The following BEAN1 variants were observed in gnomAD, a reference collection of about 807,000 sequenced individuals.
BEAN1 encodes protein BEAN1.
BEAN1 carries 17 observed loss-of-function variants against 17.7 expected under a neutral mutation model. That is an observed-to-expected ratio of 0.96 (90% CI 0.66 to 1.44). The LOEUF is 1.44. BEAN1 is among the 40% of genes most tolerant of loss of function. BEAN1 has a pLI of 0.00. For missense variants in BEAN1, 359 were observed against 374.1 expected, an observed-to-expected ratio of 0.96 and a Z score of 0.33; for synonymous variants, 142 against 151.8, an observed-to-expected ratio of 0.94 and a Z score of 0.47.
At chr16:66,468,485 G>T (rs796110188) in intron 2 of BEAN1, among the ~76,000 whole-genome samples, 7 of 152,322 alleles carry the variant, frequency 4.6e-5, no homozygotes, top group African/African-American at 1.7e-4. Flanking sequence ...GATCCGGCTG[G>T]CAGCCTCAGG....
chr16:66,428,753 C>T (rs1284221511), intron 1 of BEAN1, among the ~76,000 whole-genome samples: 2 of 152,134 alleles, frequency 1.3e-5, no homozygotes, highest in Non-Finnish European at 2.9e-5. Context: ...TGTCCAGCAC[C>T]AGTAGATGCT....
At chr16:66,474,206 T>C (rs1439341818) in intron 3 of BEAN1, among the ~76,000 whole-genome samples, 2 of 152,142 alleles carry the variant, frequency 1.3e-5, no homozygotes, top group African/African-American at 4.8e-5. Context: ...AAACAGTTAT[T>C]GTGAGGACTA....
rs1963801056 is a variant in BEAN1 at position 66,477,551 on chromosome 16, T to C, written c.290-9T>C. The C allele has an allele frequency of 1.3e-6, 2 of 1,536,678 alleles. No individual in the cohort carries two copies. Among genetic ancestry groups the C allele is most frequent in the Admixed American group, 2.0e-5 (1 of 50,102 alleles). ...TCTGAGGCCCAGGCCGGTGGTCTGT[T>C]CCCTGCAGTGTCGGACGAGCACACA... On this transcript the variant is annotated splice_polypyrimidine_tract_variant and intron_variant, in intron 3 of 4. Transcript: ENST00000536005.
At chr16:66,478,062 G>T (rs1317082516) in intron 4 of BEAN1, 1 of 193,778 alleles carries the variant, frequency 5.2e-6, no homozygotes, top group Non-Finnish European at 1.0e-5. Flanking sequence ...CTCAGGGTGG[G>T]AGGGAAGGCC....
chr16:66,491,170 A>G (rs1000774780), intron 4 of BEAN1, among the ~76,000 whole-genome samples: 1 of 152,192 alleles, frequency 6.6e-6, no homozygotes, highest in African/African-American at 2.4e-5. Flanking sequence ...AGCAGCCCTC[A>G]CCCACAGGGC....
At chr16:66,469,113 C>T (rs553973520) in intron 2 of BEAN1, among the ~76,000 whole-genome samples, 2 of 152,332 alleles carry the variant, frequency 1.3e-5, no homozygotes, top group South Asian at 4.1e-4. Flanking sequence ...GCATCTGGGT[C>T]AATTTCAGCC....
rs571506709 is a variant in BEAN1, at chr16:66,492,441, C to T, written c.148-521C>T. ...CCCCAGCTCAGTCACTCTCTTTTTG[C>T]GTTTTTTTGTTTTTTTGAGATGGAG... On this transcript the variant is annotated intron_variant, in intron 4 of 4. Coordinates refer to the BEAN1 transcript ENST00000561796. Among the ~76,000 whole-genome samples, 13 of 151,862 alleles carry T rather than the reference C, an allele frequency of 8.6e-5. No homozygotes were observed. The South Asian group carries it at 1.9e-3, about 22-fold the overall frequency.
intron 3 of BEAN1, chr16:66,470,143 C>T (rs1405595891): frequency 5.5e-6 from 3 of 549,414 alleles, no homozygotes; most frequent in South Asian, 2.4e-5. Context: ...GTCCAGGCTG[C>T]ACCAAGGGCT....
At chr16:66,468,412 G>T (rs1217027950) in intron 2 of BEAN1, among the ~76,000 whole-genome samples, 1 of 152,190 alleles carries the variant, frequency 6.6e-6, no homozygotes, top group East Asian at 1.9e-4. Context: ...GACCTTCCTG[G>T]TGCTTGCCCG....
exon 5 of BEAN1, chr16:66,493,135 G>T (rs1437834136): frequency 1.4e-6 from 1 of 702,966 alleles, no homozygotes; most frequent in Non-Finnish European, 2.6e-6. Flanking sequence ...TCCTGGTGAG[G>T]GTCTCATGTG....
chr16:66,481,154 C>T lies in BEAN1; in HGVS notation c.*229C>T, dbSNP rs1313387762. On this transcript the variant is annotated 3_prime_UTR_variant, in exon 5 of 5. Coordinates refer to ENST00000536005, the MANE Select transcript of BEAN1 (RefSeq NM_001178020.3). The surrounding 1 kb of genome is among the most constrained non-coding windows in gnomAD (Gnocchi z 4.1). Reference sequence around the variant, plus strand: ...CGCACATACAGGCCTACCACAAACACAAAACCCACCTGCAAAGGTTTCACG... The same window carrying T: ...CGCACATACAGGCCTACCACAAACATAAAACCCACCTGCAAAGGTTTCACG... 4.7e-6 allele frequency: 2 copies of T among 423,710 alleles called. No individual in the cohort carries two copies. Among genetic ancestry groups the T allele is most frequent in the East Asian group, 3.5e-5 (1 of 28,354 alleles). 26.2% of individuals were successfully genotyped at this position (423,710 alleles called of 1,614,324 possible).
downstream of BEAN1, among the ~76,000 whole-genome samples, chr16:66,494,222 G>A (rs1450571400): frequency 6.6e-6 from 1 of 152,210 alleles, no homozygotes; most frequent in African/African-American, 2.4e-5. Context: ...CAGCACAGGA[G>A]GAGAAGCAGG....
At chr16:66,469,488 C>T in intron 2 of BEAN1, 114 bp from the exon 3 acceptor site, 2 of 1,308,928 alleles carry the variant, frequency 1.5e-6, no homozygotes, top group Non-Finnish European at 2.1e-6. Flanking sequence ...GGCCTGAGCC[C>T]AGACCCTCCT....
At chr16:66,457,642 T>A (rs928507448) in intron 2 of BEAN1, among the ~76,000 whole-genome samples, 2 of 152,192 alleles carry the variant, frequency 1.3e-5, no homozygotes, top group African/African-American at 4.8e-5. Flanking sequence ...GATCCTGATA[T>A]GCTTAGTTCA....
chr16:66,469,314 C>T (rs1166034576), intron 2 of BEAN1, among the ~76,000 whole-genome samples: 2 of 152,228 alleles, frequency 1.3e-5, no homozygotes, highest in African/African-American at 2.4e-5. Flanking sequence ...GTCCACTGCC[C>T]TCTCTGAGCT....
At chr16:66,439,682 A>AC (rs1400026700) in intron 2 of BEAN1, among the ~76,000 whole-genome samples, 1 of 152,130 alleles carries the variant, frequency 6.6e-6, no homozygotes, top group African/African-American at 2.4e-5. Flanking sequence ...TTCCCCAAAG[A>AC]CCCAATACCT....
At chr16:66,485,435 G>A (rs6499090), downstream of BEAN1, 518 of 324,068 alleles carry the variant, frequency 1.6e-3, 1 homozygote, top group African/African-American at 0.01. Flanking sequence ...TGGCATGAGC[G>A]GTGGAGAGAC....
At chr16:66,436,429 G>T (rs868003220) in intron 1 of BEAN1, among the ~76,000 whole-genome samples, 10 of 149,592 alleles carry the variant, frequency 6.7e-5, no homozygotes, top group Non-Finnish European at 1.5e-5. Context: ...CACCATGCCC[G>T]GCTAATTTTT....
intron 2 of BEAN1, among the ~76,000 whole-genome samples, chr16:66,453,058 A>C (rs73592656): frequency 0.026 from 3,884 of 152,238 alleles, 175 homozygotes; most frequent in African/African-American, 0.09. Flanking sequence ...TTTTCAAAAA[A>C]ACAACTTTTG....
Sources: allele counts gnomAD v4.1 joint callset (sites outside exome capture counted in the v4.1 genomes callset), GRCh38; gene constraint gnomAD v4.1.1; non-coding constraint Gnocchi (gnomAD v3.1); transcripts MANE v1.5; gene names NCBI Gene and HGNC (gene_info 2026-07-23, HGNC 2026-07-21).